The following MACF1 variants were observed in gnomAD, a reference collection of about 807,000 sequenced individuals.
MACF1 encodes the protein microtubule-actin cross-linking factor 1.
In MACF1, 193 loss-of-function variants were observed where a neutral mutation model predicts 854.8. The observed-to-expected ratio is 0.23, with a 90% confidence interval of 0.20 to 0.25. The LOEUF (loss-of-function observed/expected upper bound fraction) is 0.25. Among genes scored for constraint, MACF1 ranks in the 10% least tolerant of loss-of-function variants. MACF1 has a pLI of 1.00. For missense variants in MACF1, 7,722 were observed against 8,929.1 expected (o/e 0.86, Z 5.45); for synonymous variants, 3,185 against 3,226.7 (o/e 0.99, Z 0.44).
chr1:39,385,690 T>A lies in MACF1; in HGVS notation c.14105T>A (p.Val4702Asp), dbSNP rs749029947. Residue 4702 changes from valine to aspartate, a missense_variant, in exon 57 of 101, where the codon GTT becomes GAT. Physicochemically the swap from Val to Asp is radical, Grantham distance 152. Transcript: ENST00000564288. ...LQDLSEKVRA[V>D]GQRLSVQSAI... is the part of the protein sequence containing the mutation. ...GACTTATCAGAGAAGGTGAGGGCAG[T>A]TGGACAACGGCTGAGTGTCCAGTCA... The A allele has an allele frequency of 1.2e-6, 2 of 1,614,146 alleles. No homozygotes were observed. Among genetic ancestry groups the A allele is most frequent in the African/African-American group, 1.3e-5 (1 of 75,040 alleles).
At position 39,379,315 on chromosome 1, in the gene MACF1, G is replaced by T. The variant is rs1649986645; in HGVS notation, c.13389G>T (p.Glu4463Asp). The T allele has an allele frequency of 1.2e-6, 2 of 1,614,126 alleles. No individual in the cohort carries two copies. The highest frequency in any genetic ancestry group is 1.7e-6 in the Non-Finnish European group (2 of 1,180,012). The change falls in exon 54 of 101, where the codon GAG becomes GAT. Residue 4463 changes from glutamate (E) to aspartate (D), a missense_variant. Glu to Asp is a conservative substitution (Grantham distance 45, BLOSUM62 2). This residue lies in a region of MACF1 where 2,807 missense variants were observed against 3,235.8 expected (regional missense o/e 0.87). Transcript: ENST00000564288. The part of the protein sequence containing the change: ...ESLQAILNRM[E>D]EVHKEANSVL... The stretch of plus-strand genomic sequence containing the variant: ...TTCAGGCTATCCTCAACAGAATGGA[G>T]GAGGTTCACAAGGAGGCAAACTCTG...
chr1:39,296,372 G>T (rs1213462805), intron 20 of MACF1, among the ~76,000 whole-genome samples: 1 of 152,056 alleles, frequency 6.6e-6, no homozygotes, highest in African/African-American at 2.4e-5. Context: ...TCCACCTCTT[G>T]ATGGGAGTAG....
At chr1:39,263,613 A>C (rs1645190380) in intron 6 of MACF1, among the ~76,000 whole-genome samples, 1 of 152,018 alleles carries the variant, frequency 6.6e-6, no homozygotes, top group Admixed American at 6.6e-5. Flanking sequence ...CCAGGTAAAT[A>C]TTATCCTAAA....
intron 2 of MACF1, among the ~76,000 whole-genome samples, chr1:39,133,882 AAAT>A (rs1643084742): frequency 6.6e-6 from 1 of 152,132 alleles, no homozygotes; most frequent in African/African-American, 2.4e-5. Flanking sequence ...AATTCTTACA[AAAT>A]AGGGAATTGC....
chr1:39,348,718 A>G (rs1320050816), intron 41 of MACF1, among the ~76,000 whole-genome samples: 2 of 152,206 alleles, frequency 1.3e-5, no homozygotes, highest in Admixed American at 1.3e-4. Context: ...GATGGTCAGG[A>G]GAACACATCA....
intron 2 of MACF1, among the ~76,000 whole-genome samples, chr1:39,108,965 A>G (rs1642323962): frequency 1.3e-5 from 2 of 152,214 alleles, no homozygotes; most frequent in African/African-American, 4.8e-5. Context: ...ACCAATTTTC[A>G]TTTATCCTAG....
At chr1:39,327,735 C>G (rs1646643128) in intron 36 of MACF1, among the ~76,000 whole-genome samples, 2 of 152,156 alleles carry the variant, frequency 1.3e-5, no homozygotes, top group South Asian at 4.1e-4. Flanking sequence ...GGAAGAAAAA[C>G]CTGTGAACCT....
chr1:39,358,964 TAAAG>T, intron 46 of MACF1, 91 bp downstream of exon 46: 1 of 1,479,450 alleles, frequency 6.8e-7, no homozygotes, highest in East Asian at 2.3e-5. Flanking sequence ...TTACATAAAA[TAAAG>T]GCAGTGGTTG....
chr1:39,382,293 T>C, intron 56 of MACF1, 141 bp downstream of exon 56: 1 of 737,986 alleles, frequency 1.4e-6, no homozygotes, highest in Non-Finnish European at 2.2e-6. Flanking sequence ...TTATAAGGTG[T>C]TAATCATGGT....
At chr1:39,149,446 T>A (rs1643529479) in intron 2 of MACF1, among the ~76,000 whole-genome samples, 1 of 151,960 alleles carries the variant, frequency 6.6e-6, no homozygotes, top group South Asian at 2.1e-4. Flanking sequence ...GAGAATCACT[T>A]GAACCGGGGA....
chr1:39,123,944 T>C (rs1292940941), intron 2 of MACF1, among the ~76,000 whole-genome samples: 1 of 151,810 alleles, frequency 6.6e-6, no homozygotes, highest in Non-Finnish European at 1.5e-5. Context: ...GCCAGGCTGG[T>C]CTCAAACTGG....
intron 2 of MACF1, among the ~76,000 whole-genome samples, chr1:39,091,190 G>C (rs935132592): frequency 6.6e-6 from 1 of 152,216 alleles, no homozygotes; most frequent in African/African-American, 2.4e-5. Context: ...GTGGTCAGGG[G>C]AGGATTCTGC....
At chr1:39,375,171 C>T (rs1258168330) in intron 52 of MACF1, among the ~76,000 whole-genome samples, 1 of 151,826 alleles carries the variant, frequency 6.6e-6, no homozygotes, top group African/African-American at 2.4e-5. Context: ...GTGTAAGTTT[C>T]CCTTATATGT....
intron 6 of MACF1, among the ~76,000 whole-genome samples, chr1:39,259,008 T>G (rs1645127695): frequency 6.6e-6 from 1 of 152,220 alleles, no homozygotes; most frequent in African/African-American, 2.4e-5. Flanking sequence ...CAGGGTATCC[T>G]CAGGCAAGCT....
chr1:39,368,457 CTT>C, intron 50 of MACF1, 143 bp downstream of exon 50: 1 of 761,768 alleles, frequency 1.3e-6, no homozygotes, highest in Non-Finnish European at 2.0e-6. Flanking sequence ...TGAAAAGTGC[CTT>C]TTTTTAGGCA....
chr1:39,189,987 A>G (rs1389871476), intron 2 of MACF1, among the ~76,000 whole-genome samples: 1 of 151,922 alleles, frequency 6.6e-6, no homozygotes, highest in Admixed American at 6.6e-5. Flanking sequence ...TAGAATGTGA[A>G]CTCATTTTAT....
At chr1:39,164,906 C>T (rs951939456) in intron 2 of MACF1, among the ~76,000 whole-genome samples, 2 of 152,182 alleles carry the variant, frequency 1.3e-5, no homozygotes, top group Non-Finnish European at 2.9e-5. Context: ...GTATTACAGC[C>T]AAGTGCAAAT....
intron 95 of MACF1, 26 bp from the exon 96 acceptor site, chr1:39,468,587 ATT>A (rs773489929): frequency 6.4e-7 from 1 of 1,556,296 alleles, no homozygotes; most frequent in Non-Finnish European, 8.9e-7. Flanking sequence ...AGACATATAT[ATT>A]AATTAAGTTT....
chr1:39,231,043 C>G, intron 1 of MACF1, 139 bp from the exon 2 acceptor site: 1 of 711,652 alleles, frequency 1.4e-6, no homozygotes, highest in Non-Finnish European at 2.5e-6. Flanking sequence ...TAGGCCAAAC[C>G]TTCCTAAGAA....
Sources: allele counts gnomAD v4.1 joint callset (sites outside exome capture counted in the v4.1 genomes callset), GRCh38; gene constraint gnomAD v4.1.1; regional missense constraint gnomAD v4.1.1; transcripts MANE v1.5; gene names NCBI Gene and HGNC (gene_info 2026-07-23, HGNC 2026-07-21).